PTPN14: variants seen among roughly 807,000 people sequenced by gnomAD.
PTPN14 encodes protein tyrosine phosphatase non-receptor type 14, also known as tyrosine-protein phosphatase non-receptor type 14.
In PTPN14, 53 loss-of-function variants were observed where a neutral mutation model predicts 126.8. The observed-to-expected ratio is 0.42, with a 90% CI of 0.34 to 0.53. The LOEUF is 0.53. PTPN14 is among the 20% of genes least tolerant of loss of function. The pLI is 0.08. For synonymous variants in PTPN14, 630 were observed against 599.3 expected, an observed-to-expected ratio of 1.05 and a Z score of -0.75; for missense variants, 1,257 against 1,552.9, an observed-to-expected ratio of 0.81 and a Z score of 3.20.
In PTPN14 at chr1:214,440,288, ACT is replaced by A. The variant is rs558407769; in HGVS notation, c.344+11515_344+11516del. Among the ~76,000 whole-genome samples the A allele has an allele frequency of 2.5e-3, 387 of 152,126 alleles. 4 individuals carry two copies. Among genetic ancestry groups the A allele is most frequent in the African/African-American group, 9.1e-3 (378 of 41,492 alleles). On this transcript the variant is annotated intron_variant, in intron 3 of 18. Transcript: ENST00000366956. ...GTGGGGTCTCATATTTAGATATAAA[ACT>A]CTATCATTCTGGTCTGTCTTGATAT...
At chr1:214,506,312 T>C (rs570794390) in intron 1 of PTPN14, among the ~76,000 whole-genome samples, 1 of 151,990 alleles carries the variant, frequency 6.6e-6, no homozygotes, top group Non-Finnish European at 1.5e-5. Context: ...CGAGACCAGA[T>C]TGGGCAACAC....
chr1:214,371,772 C>T (rs1174621995), intron 16 of PTPN14, among the ~76,000 whole-genome samples: 1 of 152,192 alleles, frequency 6.6e-6, no homozygotes, highest in African/African-American at 2.4e-5. Context: ...CAGGGAAGTA[C>T]AACTGGCTTT....
At chr1:214,427,116 T>C (rs1659684228) in intron 3 of PTPN14, among the ~76,000 whole-genome samples, 1 of 151,478 alleles carries the variant, frequency 6.6e-6, no homozygotes, top group African/African-American at 2.4e-5. Context: ...CCATCTCTAC[T>C]AAAAATACAA....
At chr1:214,438,323 G>A (rs765572761) in intron 3 of PTPN14, among the ~76,000 whole-genome samples, 7 of 151,982 alleles carry the variant, frequency 4.6e-5, no homozygotes, top group Non-Finnish European at 7.4e-5. Flanking sequence ...TCCTACACTC[G>A]GCACAGGACA....
At chr1:214,448,393 G>A (rs1303497297) in intron 3 of PTPN14, among the ~76,000 whole-genome samples, 1 of 118,700 alleles carries the variant, frequency 8.4e-6, no homozygotes, top group Non-Finnish European at 1.7e-5. Flanking sequence ...ACCAAGCCGG[G>A]CTAATTTTTT....
Position 214,411,742 on chromosome 1 carries a change from C to A in PTPN14, c.452G>T (p.Gly151Val). 6.6e-7 allele frequency: 1 copy of A among 1,504,446 alleles called. No individual in the cohort carries two copies. The highest frequency in any genetic ancestry group is 9.1e-7 in the Non-Finnish European group (1 of 1,092,932). The allele number at this position is 1,504,446 out of a possible 1,614,324, so 93.2% of individuals were successfully genotyped here. ...LAGLAVQADF[G>V]DYNQFDSQDF... ...TTGAGAATCAAACTGATTATAGTCT[C>A]CAAAATCAGCTGAGAAGAAAAGAAG... The change falls in exon 5 of 19, where the codon GGA (glycine) becomes GTA (valine). Residue 151 changes from glycine to valine, a missense_variant. Gly to Val is a moderately radical substitution (Grantham distance 109). Coordinates refer to ENST00000366956, the MANE Select transcript of PTPN14 (RefSeq NM_005401.5).
chr1:214,496,827 T>C (rs756661221), intron 1 of PTPN14, among the ~76,000 whole-genome samples: 1 of 152,084 alleles, frequency 6.6e-6, no homozygotes, highest in Non-Finnish European at 1.5e-5. Flanking sequence ...AAAAATCCTA[T>C]ATAAAAATAT....
intron 3 of PTPN14, among the ~76,000 whole-genome samples, chr1:214,430,165 C>T (rs946607210): frequency 6.6e-6 from 1 of 152,198 alleles, no homozygotes. Flanking sequence ...TCCCCTCTTA[C>T]ATAATTTCCT....
At chr1:214,548,443 G>A (rs186935325) in intron 1 of PTPN14, among the ~76,000 whole-genome samples, 40 of 152,244 alleles carry the variant, frequency 2.6e-4, no homozygotes, top group African/African-American at 7.5e-4. Context: ...CAAAGCTTTC[G>A]TGTTTGTTTT....
At chr1:214,486,914 T>C (rs1661125650) in intron 1 of PTPN14, among the ~76,000 whole-genome samples, 1 of 24,436 alleles carries the variant, frequency 4.1e-5, no homozygotes, top group African/African-American at 3.8e-4. Context: ...TCTGGAAAAG[T>C]TGACCCCGTC....
intron 1 of PTPN14, among the ~76,000 whole-genome samples, chr1:214,510,435 T>C (rs926085042): frequency 6.6e-6 from 1 of 152,190 alleles, no homozygotes; most frequent in African/African-American, 2.4e-5. Context: ...AAAACAGCAA[T>C]ACCTGTGAAA....
At chr1:214,392,637 ATG>A (rs1374591845) in intron 10 of PTPN14, among the ~76,000 whole-genome samples, 2 of 152,150 alleles carry the variant, frequency 1.3e-5, no homozygotes, top group African/African-American at 4.8e-5. Flanking sequence ...ACATGCGAGA[ATG>A]TGTCTAGAAG....
intron 5 of PTPN14, among the ~76,000 whole-genome samples, chr1:214,405,528 A>G (rs1659144824): frequency 6.6e-6 from 1 of 152,104 alleles, no homozygotes; most frequent in South Asian, 2.1e-4. Context: ...CATATTGTCA[A>G]ACAAAAGTTT....
rs1657824826 is a variant in PTPN14, at chr1:214,356,541, C to G, written c.*1381G>C. On this transcript the variant is annotated 3_prime_UTR_variant, in exon 19 of 19. Coordinates refer to ENST00000366956, the MANE Select transcript of PTPN14 (RefSeq NM_005401.5). ...TTATTGTGTACCATCCTTGGAAATT[C>G]AGAAGGACACTGACCAATGAAGCCA... 1.3e-5 allele frequency: 2 copies of G among 152,166 alleles called. No homozygotes were observed. The highest frequency in any genetic ancestry group is 6.5e-5 in the Admixed American group (1 of 15,284). The allele number at this position is 152,166 out of a possible 1,614,324, so 9.4% of individuals were successfully genotyped here.
At chr1:214,461,216 T>A (rs1238878110) in intron 2 of PTPN14, among the ~76,000 whole-genome samples, 1 of 152,172 alleles carries the variant, frequency 6.6e-6, no homozygotes, top group African/African-American at 2.4e-5. Flanking sequence ...AATAAAAAAA[T>A]TTTAATCCAC....
intron 1 of PTPN14, among the ~76,000 whole-genome samples, chr1:214,483,953 G>A (rs1332976126): frequency 3.9e-5 from 6 of 152,212 alleles, no homozygotes; most frequent in African/African-American, 1.2e-4. Context: ...GTTCTCACCA[G>A]AGAAAGACCC....
chr1:214,370,794 G>C (rs2102519599), intron 16 of PTPN14, among the ~76,000 whole-genome samples: 1 of 152,276 alleles, frequency 6.6e-6, no homozygotes, highest in South Asian at 2.1e-4. Flanking sequence ...TCAGGGCAAG[G>C]AGTAGGTGGT....
At chr1:214,463,653 T>C (rs1393026388) in intron 2 of PTPN14, among the ~76,000 whole-genome samples, 1 of 152,164 alleles carries the variant, frequency 6.6e-6, no homozygotes. Flanking sequence ...AGAGGCCACA[T>C]GCAATCACTT....
intron 3 of PTPN14, among the ~76,000 whole-genome samples, chr1:214,436,265 G>C (rs1659912999): frequency 6.6e-6 from 1 of 152,130 alleles, no homozygotes; most frequent in East Asian, 1.9e-4. Context: ...TGAGAGGAGG[G>C]TAAGGATTGA....
Sources: gnomAD v4.1 joint callset for allele counts (sites outside exome capture counted in the v4.1 genomes callset) on GRCh38, gnomAD v4.1.1 for gene constraint, MANE v1.5 for transcripts, NCBI Gene and HGNC (gene_info 2026-07-23, HGNC 2026-07-21) for gene names.